The following IFT122 variants were observed in gnomAD, a reference collection of about 807,000 sequenced individuals.
IFT122 encodes intraflagellar transport protein 122 homolog.
A neutral mutation model predicts 161.6 loss-of-function variants in IFT122; 118 were observed. That is an observed-to-expected ratio of 0.73 (90% CI 0.63 to 0.85). The LOEUF (loss-of-function observed/expected upper bound fraction) is 0.85. Ranked by LOEUF, IFT122 falls within the 40% of genes least tolerant of loss-of-function variation. The pLI is 0.00. For synonymous variants in IFT122, 550 were observed against 602.4 expected (o/e 0.91, Z 1.27); for missense variants, 1,381 against 1,579.6 (o/e 0.87, Z 2.13).
At chr3:129,458,915 G>C (rs1037237931) in intron 4 of IFT122, among the ~76,000 whole-genome samples, 2 of 152,196 alleles carry the variant, frequency 1.3e-5, no homozygotes, top group Non-Finnish European at 2.9e-5. Flanking sequence ...GCTCATCTCA[G>C]TTCATCTGAC....
intron 16 of IFT122, among the ~76,000 whole-genome samples, chr3:129,491,543 TAA>T (rs1559949336): frequency 6.6e-6 from 1 of 152,194 alleles, no homozygotes; most frequent in Non-Finnish European, 1.5e-5. Context: ...AGGGTTTACA[TAA>T]AGAGTTTGCC....
Position 129,467,118 on chromosome 3 carries a change from C to T in IFT122, c.740+52C>T, listed in dbSNP as rs763244926. The T allele has an allele frequency of 3.2e-6, 5 of 1,546,378 alleles. No individual in the cohort carries two copies. In the Admixed American group the frequency reaches 6.8e-5, roughly 21 times the overall value. ...CCTTCTGGTAAGGGCCCAGGCCCCACACAGACTTGCCAGGACAGATGTTAA... is the reference window on the plus strand; with the variant it reads ...CCTTCTGGTAAGGGCCCAGGCCCCATACAGACTTGCCAGGACAGATGTTAA... On this transcript the variant is annotated intron_variant, in intron 8 of 29. Transcript: ENST00000348417.
chr3:129,459,741 C>G (rs2076017252), intron 4 of IFT122, among the ~76,000 whole-genome samples: 2 of 108,802 alleles, frequency 1.8e-5, no homozygotes, highest in African/African-American at 5.3e-5. Flanking sequence ...TCCCTCCCTC[C>G]CTTCTTCCTT....
In IFT122 at chr3:129,512,401, C is replaced by T; in HGVS notation, c.2976C>T (p.Gly992=). 6.2e-7 allele frequency: 1 copy of T among 1,608,890 alleles called. No homozygotes were observed. The highest frequency in any genetic ancestry group is 8.5e-7 in the Non-Finnish European group (1 of 1,175,182). ...LHSLPKDTPS[G]ISKVKILFTL... is the part of the protein sequence containing the mutation. ...GCCTGCCCAAGGACACCCCCTCGGG[C>T]ATCTCTAAAGTGTATCCTTTCTCTT... The change falls in exon 24 of 30, where the codon GGC becomes GGT. Residue 992 remains glycine, a synonymous_variant. Coordinates refer to ENST00000348417, the MANE Select transcript of IFT122 (RefSeq NM_052989.3).
chr3:129,473,332 A>G (rs2077559814), intron 9 of IFT122, among the ~76,000 whole-genome samples: 1 of 152,112 alleles, frequency 6.6e-6, no homozygotes, highest in African/African-American at 2.4e-5. Flanking sequence ...TATTTCTAAC[A>G]TTTGGGTCGT....
Position 129,451,924 on chromosome 3 carries a change from C to G in IFT122, c.119C>G (p.Thr40Ser). ...TGTCTCTTTTGCCAGGTTTATGACA[C>G]CTCTGATGGCACCTTACTTCAGCCC... is the stretch of plus-strand genomic sequence containing the variant. ...AAGSRLLVYD[T>S]SDGTLLQPLK... is the part of the protein sequence containing the mutation. The change falls in exon 3 of 30, where the codon ACC becomes AGC. Residue 40 changes from threonine to serine, a missense_variant. Around this residue, in one of 7 missense-constraint regions of IFT122, gnomAD observed 134 missense variants for 137.4 expected, o/e 0.98. Coordinates refer to ENST00000348417, the MANE Select transcript of IFT122 (RefSeq NM_052989.3). The G allele has an allele frequency of 6.2e-7, 1 of 1,613,662 alleles. No homozygotes were observed. Among genetic ancestry groups the G allele is most frequent in the Non-Finnish European group, 8.5e-7 (1 of 1,179,584 alleles).
intron 18 of IFT122, 143 bp downstream of exon 18, chr3:129,495,750 A>T (rs2080761472): frequency 9.8e-7 from 1 of 1,019,232 alleles, no homozygotes; most frequent in African/African-American, 1.6e-5. Flanking sequence ...ACTGGTAAAC[A>T]AAGGACCCAT....
intron 26 of IFT122, among the ~76,000 whole-genome samples, 187 bp from the exon 27 acceptor site, chr3:129,517,282 A>G (rs1443504107): frequency 5.8e-5 from 8 of 138,528 alleles, no homozygotes; most frequent in African/African-American, 2.2e-4. Flanking sequence ...ACACACACAC[A>G]CACACACACA....
intron 21 of IFT122, among the ~76,000 whole-genome samples, chr3:129,506,038 G>C (rs1297339871): frequency 6.6e-6 from 1 of 152,178 alleles, no homozygotes; most frequent in Non-Finnish European, 1.5e-5. Context: ...GGCAGGTCCT[G>C]TTTCTATCAC....
intron 23 of IFT122, among the ~76,000 whole-genome samples, chr3:129,509,626 A>G (rs934667992): frequency 6.6e-6 from 1 of 152,260 alleles, no homozygotes; most frequent in African/African-American, 2.4e-5. Flanking sequence ...CATTAGCAAA[A>G]AAACATAAAG....
chr3:129,446,332 C>T (rs1055183506), intron 1 of IFT122, among the ~76,000 whole-genome samples: 1 of 151,936 alleles, frequency 6.6e-6, no homozygotes, highest in African/African-American at 2.4e-5. Context: ...TCACGCCATT[C>T]TCCTGCCTCA....
chr3:129,470,365 G>C (rs1055232751), intron 9 of IFT122, among the ~76,000 whole-genome samples: 2 of 152,000 alleles, frequency 1.3e-5, no homozygotes, highest in Non-Finnish European at 2.9e-5. Context: ...CTGGGTTCAC[G>C]CCATTCTCCT....
intron 7 of IFT122, among the ~76,000 whole-genome samples, chr3:129,465,120 TG>T (rs1318712657): frequency 3.2e-5 from 1 of 31,438 alleles, no homozygotes; most frequent in Non-Finnish European, 4.9e-5. Flanking sequence ...TATGAGTGTG[TG>T]TGTGTGTGTG....
intron 3 of IFT122, among the ~76,000 whole-genome samples, chr3:129,456,651 G>T (rs1388633628): frequency 1.3e-5 from 2 of 151,732 alleles, no homozygotes; most frequent in Non-Finnish European, 2.9e-5. Flanking sequence ...AGGGCCAGTC[G>T]TGGTGACTCA....
chr3:129,453,022 C>A (rs990467713), intron 3 of IFT122, among the ~76,000 whole-genome samples: 3 of 151,672 alleles, frequency 2.0e-5, no homozygotes, highest in Non-Finnish European at 4.4e-5. Flanking sequence ...TTGCCCCCCC[C>A]ACTGAGATGG....
At chr3:129,486,598 C>G (rs1559935819) in intron 15 of IFT122, among the ~76,000 whole-genome samples, 1 of 152,050 alleles carries the variant, frequency 6.6e-6, no homozygotes, top group Non-Finnish European at 1.5e-5. Flanking sequence ...CCTGAGAGGT[C>G]TGGAAAGGAA....
intron 19 of IFT122, among the ~76,000 whole-genome samples, chr3:129,500,566 C>T (rs911014878): frequency 6.6e-6 from 1 of 152,212 alleles, no homozygotes; most frequent in Non-Finnish European, 1.5e-5. Flanking sequence ...CCAAATCCAT[C>T]AGGGAAGAAT....
chr3:129,450,049 A>T (rs1008882990), intron 2 of IFT122, 112 bp downstream of exon 2: 5 of 767,474 alleles, frequency 6.5e-6, no homozygotes, highest in Admixed American at 5.8e-5. Context: ...GCAAGGGTGG[A>T]AAAACCTTCC....
At chr3:129,482,307 C>T (rs1024851442) in intron 14 of IFT122, among the ~76,000 whole-genome samples, 10 of 152,308 alleles carry the variant, frequency 6.6e-5, no homozygotes, top group East Asian at 1.9e-4. Context: ...GAAGACAGCC[C>T]GGCAGCTCTG....
Sources: gnomAD v4.1 joint callset for allele counts (sites outside exome capture counted in the v4.1 genomes callset) on GRCh38, gnomAD v4.1.1 for gene constraint, gnomAD v4.1.1 regional missense constraint, MANE v1.5 for transcripts, NCBI Gene and HGNC (gene_info 2026-07-23, HGNC 2026-07-21) for gene names.